FGGY: variants seen among roughly 807,000 people sequenced by gnomAD.
The protein encoded by FGGY is FGGY carbohydrate kinase domain containing.
A neutral mutation model predicts 71.3 loss-of-function variants in FGGY; 72 were observed. That is an observed-to-expected ratio of 1.01 (90% CI 0.84 to 1.23). FGGY has a LOEUF of 1.23. Ranked by LOEUF, FGGY falls within the 50% of genes most tolerant of loss-of-function variation. FGGY has a pLI of 0.00. For synonymous variants in FGGY, 251 were observed against 250.3 expected, an observed-to-expected ratio of 1.00 and a Z score of -0.02; for missense variants, 668 against 682.3, an observed-to-expected ratio of 0.98 and a Z score of 0.23.
intron 4 of FGGY, among the ~76,000 whole-genome samples, chr1:59,373,105 A>G (rs2057996491): frequency 6.6e-6 from 1 of 152,148 alleles, no homozygotes; most frequent in Admixed American, 6.5e-5. Flanking sequence ...AATTAGGAAA[A>G]GAGGAAGTCA....
Position 59,519,073 on chromosome 1 carries a change from A to G in FGGY, c.799+6634A>G, listed in dbSNP as rs1046578464. 5.3e-5 allele frequency among the ~76,000 whole-genome samples: 8 copies of G among 152,194 alleles called. 1 individual carries two copies. Among genetic ancestry groups the G allele is most frequent in the Non-Finnish European group, 8.8e-5 (6 of 68,038 alleles). On this transcript the variant is annotated intron_variant, in intron 7 of 15. Transcript: ENST00000303721. ...GCAACTTTATACATACTATTATTCTATTTGTCAGATGAGACAGTTGAGGCT... is the reference window on the plus strand; with the variant it reads ...GCAACTTTATACATACTATTATTCTGTTTGTCAGATGAGACAGTTGAGGCT...
At chr1:59,648,024 T>A (rs1343608646) in intron 11 of FGGY, among the ~76,000 whole-genome samples, 1 of 79,796 alleles carries the variant, frequency 1.3e-5, no homozygotes, top group African/African-American at 5.7e-5. Flanking sequence ...TTGCGATAGT[T>A]TACTGAGAAT....
At chr1:59,762,332 C>T (rs1216106074) in intron 15 of FGGY, among the ~76,000 whole-genome samples, 171 bp from the exon 16 acceptor site, 1 of 152,206 alleles carries the variant, frequency 6.6e-6, no homozygotes, top group African/African-American at 2.4e-5. Flanking sequence ...ATCCAGGTCA[C>T]ATATAATAGG....
chr1:59,559,007 C>T (rs1245279486), intron 8 of FGGY, among the ~76,000 whole-genome samples: 1 of 152,160 alleles, frequency 6.6e-6, no homozygotes, highest in Non-Finnish European at 1.5e-5. Context: ...GGTTGTCTTC[C>T]TATGTTCCCT....
At chr1:59,570,726 A>G (rs2095970672) in intron 8 of FGGY, among the ~76,000 whole-genome samples, 1 of 151,942 alleles carries the variant, frequency 6.6e-6, no homozygotes, top group Non-Finnish European at 1.5e-5. Context: ...GTCAGAGTTT[A>G]CTTCCGAACC....
intron 8 of FGGY, among the ~76,000 whole-genome samples, chr1:59,594,296 A>C (rs1558483475): frequency 1.3e-5 from 2 of 152,252 alleles, no homozygotes; most frequent in Non-Finnish European, 2.9e-5. Flanking sequence ...TAGCTTAAAA[A>C]AATAGAGTGC....
intron 5 of FGGY, among the ~76,000 whole-genome samples, chr1:59,427,409 C>A (rs1468644870): frequency 6.6e-6 from 1 of 152,148 alleles, no homozygotes; most frequent in Non-Finnish European, 1.5e-5. Flanking sequence ...TACTCATGAC[C>A]GAATGAGACA....
rs1194262731 is a variant in FGGY, at chr1:59,324,467, G to A, written c.201+2717G>A. Among the ~76,000 whole-genome samples, 6 of 150,694 alleles carry A rather than the reference G, an allele frequency of 4.0e-5. No homozygotes were observed. The South Asian group carries it at 6.3e-4, about 16-fold the overall frequency. On this transcript the variant is annotated intron_variant, in intron 2 of 15. Coordinates refer to ENST00000303721, the MANE Select transcript of FGGY (RefSeq NM_018291.5). ...AATTTTTTGTATTTTTAGTAGAGAC[G>A]GGGTTTCACCGTTTTAGCCGGGATG...
Position 59,674,114 on chromosome 1 carries a change from G to C in FGGY, c.1493G>C (p.Gly498Ala). 1 of 1,613,832 alleles carries C rather than the reference G, an allele frequency of 6.2e-7. No homozygotes were observed. ...GCTGTTCTGGGTGCCTGTGCCTCAG[G>C]GGATTTCGCTTCTGTACAGGTATGT... is the stretch of plus-strand genomic sequence containing the variant. ...GAAVLGACASGDFASVQEAMA... is the reference protein window; with the variant it reads ...GAAVLGACASADFASVQEAMA... The change falls in exon 14 of 16, where the codon GGG (glycine) becomes GCG (alanine). Residue 498 changes from glycine to alanine, a missense_variant. Coordinates refer to ENST00000303721, the MANE Select transcript of FGGY (RefSeq NM_018291.5).
chr1:59,617,393 T>A (rs955107683), intron 9 of FGGY, among the ~76,000 whole-genome samples: 2 of 152,098 alleles, frequency 1.3e-5, no homozygotes, highest in East Asian at 3.9e-4. Context: ...TCTAAGTATG[T>A]GAATAGATTT....
chr1:59,607,547 G>A lies in FGGY; in HGVS notation c.904-256G>A, dbSNP rs537528378. Among the ~76,000 whole-genome samples, 12 of 152,316 alleles carry A rather than the reference G, an allele frequency of 7.9e-5. No homozygotes were observed. In the East Asian group the frequency reaches 2.3e-3, roughly 29 times the overall value. On this transcript the variant is annotated intron_variant, in intron 8 of 15. Coordinates refer to ENST00000303721, the MANE Select transcript of FGGY (RefSeq NM_018291.5). ...CCACCTTTGCAATCTCTGCCATAGT[G>A]AGGGAGCCAACAGGGAAACACCTTA...
chr1:59,491,626 C>G (rs2093867001), intron 6 of FGGY, among the ~76,000 whole-genome samples: 1 of 150,370 alleles, frequency 6.7e-6, no homozygotes, highest in Non-Finnish European at 1.5e-5. Context: ...TTAGGTTTCT[C>G]TATATATGTG....
chr1:59,579,885 CT>C (rs2096156857), intron 8 of FGGY, among the ~76,000 whole-genome samples: 1 of 152,190 alleles, frequency 6.6e-6, no homozygotes, highest in Non-Finnish European at 1.5e-5. Flanking sequence ...AGATCTGTTC[CT>C]CTTACTTTTC....
intron 14 of FGGY, chr1:59,698,772 C>G: frequency 2.0e-6 from 2 of 985,314 alleles, no homozygotes; most frequent in Non-Finnish European, 2.4e-6. Context: ...AAGAGAAAGC[C>G]CTTTAAAAGC....
At chr1:59,377,663 G>T (rs141104657) in intron 4 of FGGY, among the ~76,000 whole-genome samples, 35 of 152,080 alleles carry the variant, frequency 2.3e-4, no homozygotes, top group Non-Finnish European at 4.7e-4. Flanking sequence ...ATGACAACTA[G>T]ACCTAAACTA....
intron 8 of FGGY, among the ~76,000 whole-genome samples, chr1:59,576,902 C>T (rs11207479): frequency 0.026 from 3,939 of 152,220 alleles, 170 homozygotes; most frequent in African/African-American, 0.09. Context: ...CTCTGAACTT[C>T]TCTAGGGCAG....
At chr1:59,497,810 T>C (rs763436675) in intron 6 of FGGY, among the ~76,000 whole-genome samples, 1 of 152,326 alleles carries the variant, frequency 6.6e-6, no homozygotes, top group East Asian at 1.9e-4. Context: ...GTGGATTTCC[T>C]GTTAGTACCT....
At chr1:59,542,172 G>C (rs1200554471) in intron 7 of FGGY, among the ~76,000 whole-genome samples, 1 of 152,162 alleles carries the variant, frequency 6.6e-6, no homozygotes, top group Non-Finnish European at 1.5e-5. Flanking sequence ...CTTGCCAAAA[G>C]GCTTGTTTGT....
chr1:59,579,406 A>G (rs765453658), intron 8 of FGGY, among the ~76,000 whole-genome samples: 6 of 152,102 alleles, frequency 3.9e-5, no homozygotes, highest in Admixed American at 6.5e-5. Context: ...ATATCCTAAT[A>G]TATTTAATCA....
Sources: allele counts gnomAD v4.1 joint callset (sites outside exome capture counted in the v4.1 genomes callset), GRCh38; gene constraint gnomAD v4.1.1; transcripts MANE v1.5; gene names NCBI Gene and HGNC (gene_info 2026-07-23, HGNC 2026-07-21).